Variants in AKNA observed in about 807,000 individuals in gnomAD.
The protein encoded by AKNA is AT-hook transcription factor.
Under a neutral mutation model 138.8 loss-of-function variants are expected in AKNA, and 67 were observed. The ratio of observed to expected loss-of-function variants is 0.48; its 90% CI spans 0.40 to 0.59. AKNA has a LOEUF of 0.59. Ranked by LOEUF, AKNA falls within the 20% of genes least tolerant of loss-of-function variation. The pLI, the probability that AKNA is intolerant of heterozygous loss-of-function variation, is 0.00. For missense variants in AKNA, 1,813 were observed against 1,880.4 expected (o/e 0.96, Z 0.66); for synonymous variants, 737 against 754.4 (o/e 0.98, Z 0.38).
chr9:114,358,376 T>A, intron 11 of AKNA: 1 of 599,958 alleles, frequency 1.7e-6, no homozygotes, highest in Non-Finnish European at 2.8e-6. Context: ...CTATAAAATA[T>A]GGATGCCAAC....
chr9:114,355,832 G>A (rs1397834611), intron 14 of AKNA, 93 bp downstream of exon 14: 2 of 1,286,320 alleles, frequency 1.6e-6, no homozygotes, highest in East Asian at 4.9e-5. Flanking sequence ...CAATGAACCT[G>A]GCTAATATGT....
chr9:114,364,385 T>C (rs796247491), intron 7 of AKNA, among the ~76,000 whole-genome samples, 175 bp downstream of exon 7: 11 of 152,264 alleles, frequency 7.2e-5, no homozygotes, highest in African/African-American at 2.4e-4. Flanking sequence ...TGGGTAACTA[T>C]TGTGAAATAA....
chr9:114,380,897 C>T (rs1024336613), intron 2 of AKNA, among the ~76,000 whole-genome samples, 163 bp downstream of exon 2: 4 of 150,166 alleles, frequency 2.7e-5, no homozygotes, highest in East Asian at 2.0e-4. Context: ...GCAAGAGAAT[C>T]GCTTGAACCC....
intron 1 of AKNA, among the ~76,000 whole-genome samples, chr9:114,383,732 A>C (rs1233403934): frequency 6.6e-6 from 1 of 152,172 alleles, no homozygotes; most frequent in Non-Finnish European, 1.5e-5. Flanking sequence ...TGTGTGGCTG[A>C]GAAAAGTCAG....
At position 114,376,935 on chromosome 9, in the gene AKNA, T is replaced by A. The variant is rs748991653; in HGVS notation, c.872A>T (p.Gln291Leu). 1.2e-5 allele frequency: 20 copies of A among 1,614,124 alleles called. No individual in the cohort carries two copies. The highest frequency in any genetic ancestry group is 1.6e-5 in the Non-Finnish European group (19 of 1,180,042). ...CTGCTTCCAGATGTGTTCCTTGGGC[T>A]GAGGGCAGAAGAATCTGGTCGTTTC... ...RRETTRFFCP[Q>L]PKEHIWKQTK... Residue 291 changes from glutamine to leucine, a missense_variant, in exon 3 of 22, where the codon CAG becomes CTG. Transcript: ENST00000374088.
chr9:114,365,785 C>T (rs539930860), intron 6 of AKNA, among the ~76,000 whole-genome samples: 7 of 152,086 alleles, frequency 4.6e-5, no homozygotes, highest in Non-Finnish European at 7.4e-5. Flanking sequence ...TGTTTCATAC[C>T]CACAGCACGT....
Position 114,358,023 on chromosome 9 carries a change from G to C in AKNA, c.2637C>G (p.Ser879=), listed in dbSNP as rs557155287. 4 of 1,610,086 alleles carry C rather than the reference G, an allele frequency of 2.5e-6. No individual in the cohort carries two copies. The highest frequency in any genetic ancestry group is 3.4e-6 in the Non-Finnish European group (4 of 1,177,354). Residue 879 remains serine (S), a synonymous_variant, in exon 12 of 22, where the codon TCC becomes TCG. Coordinates refer to ENST00000374088, the MANE Select transcript of AKNA (RefSeq NM_001317950.2). The part of the protein sequence containing the change: ...GVPPHPPGTK[S]AASHQSSMTS... Reference sequence around the variant, plus strand: ...TCATACTACTTTGGTGGGATGCTGCGGACTTGGTGCCTGGAGGGTGGGGTG... The same window carrying C: ...TCATACTACTTTGGTGGGATGCTGCCGACTTGGTGCCTGGAGGGTGGGGTG...
At chr9:114,378,103 AC>A (rs968249861) in intron 2 of AKNA, among the ~76,000 whole-genome samples, 7 of 151,994 alleles carry the variant, frequency 4.6e-5, no homozygotes, top group Non-Finnish European at 4.4e-5. Context: ...GGTCGCTGCC[AC>A]CCCGGCCCCA....
chr9:114,340,269 T>TG (rs1475774903), intron 21 of AKNA, among the ~76,000 whole-genome samples: 7 of 152,158 alleles, frequency 4.6e-5, no homozygotes, highest in African/African-American at 1.7e-4. Context: ...ACACAGCCAC[T>TG]GAAGACATCC....
intron 4 of AKNA, among the ~76,000 whole-genome samples, chr9:114,370,858 TC>T (rs1157297369): frequency 6.6e-6 from 1 of 151,758 alleles, no homozygotes; most frequent in Non-Finnish European, 1.5e-5. Context: ...AGCCTCCCCC[TC>T]CCCCCATCCC....
At chr9:114,374,846 C>T (rs965195245) in intron 3 of AKNA, among the ~76,000 whole-genome samples, 4 of 152,142 alleles carry the variant, frequency 2.6e-5, no homozygotes, top group African/African-American at 7.2e-5. Context: ...AAGGACAGAA[C>T]GGAACATCTC....
Position 114,361,808 on chromosome 9 carries a change from C to G in AKNA, c.2020G>C (p.Ala674Pro), listed in dbSNP as rs558006244. 1 of 1,613,856 alleles carries G rather than the reference C, an allele frequency of 6.2e-7. No homozygotes were observed. The highest frequency in any genetic ancestry group is 1.3e-5 in the African/African-American group (1 of 75,018). Residue 674 changes from alanine (A) to proline (P), a missense_variant, in exon 9 of 22, where the codon GCT (alanine) becomes CCT (proline). By Grantham distance (27) the Ala-to-Pro change is conservative. Coordinates refer to ENST00000374088, the MANE Select transcript of AKNA (RefSeq NM_001317950.2). Reference protein sequence around the residue: ...QEPEPPGSDSALDSTPALPCL... With the variant: ...QEPEPPGSDSPLDSTPALPCL... ...GGCAGGGCTGGGGTGCTGTCCAGAG[C>G]TGAGTCTGACCCGGGCGGCTCAGGC...
At chr9:114,331,235 G>A (rs1343772593), downstream of AKNA, among the ~76,000 whole-genome samples, 1 of 152,056 alleles carries the variant, frequency 6.6e-6, no homozygotes, top group Admixed American at 6.5e-5. Context: ...CATCACCGCA[G>A]AGGTGGCACA....
At chr9:114,394,877 C>T (rs536040539), upstream of AKNA, among the ~76,000 whole-genome samples, 1 of 152,182 alleles carries the variant, frequency 6.6e-6, no homozygotes, top group East Asian at 1.9e-4. Context: ...CCCAAGACCC[C>T]GAGGAGACTG....
Position 114,334,763 on chromosome 9 carries a change from T to C in AKNA, c.*2291A>G, listed in dbSNP as rs1198044977. On this transcript the variant is annotated 3_prime_UTR_variant, in exon 22 of 22. Transcript: ENST00000374088. ...CAGCTGCGTATACCATCCAGGGTGA[T>C]AGGACCATGAGCCCGAGGCCCTGAT... is the stretch of plus-strand genomic sequence containing the variant. 1.4e-5 allele frequency: 2 copies of C among 146,730 alleles called. No individual in the cohort carries two copies. The highest frequency in any genetic ancestry group is 2.1e-4 in the South Asian group (1 of 4,830). The allele number at this position is 146,730 out of a possible 1,614,324, so 9.1% of individuals were successfully genotyped here. A position where few individuals can be genotyped will look rare whatever the true frequency, so the allele number is the denominator to read the frequency against.
rs530511375 is a variant in AKNA at position 114,351,275 on chromosome 9, C to T, written c.3059-254G>A. On this transcript the variant is annotated intron_variant, in intron 14 of 21. Coordinates refer to ENST00000374088, the MANE Select transcript of AKNA (RefSeq NM_001317950.2). ...GAACCCCTCCTCCCACCCACCATGA[C>T]ACCATCCGAGTCTTCAGGAACTTCC... Among the ~76,000 whole-genome samples, 11 of 152,302 alleles carry T rather than the reference C, an allele frequency of 7.2e-5. No homozygotes were observed. In the East Asian group the frequency reaches 2.1e-3, roughly 29 times the overall value.
intron 4 of AKNA, among the ~76,000 whole-genome samples, chr9:114,370,640 C>T (rs1050273535): frequency 6.6e-6 from 1 of 152,216 alleles, no homozygotes; most frequent in African/African-American, 2.4e-5. Context: ...GCTGGATTCA[C>T]TCCCTTGGGG....
intron 14 of AKNA, among the ~76,000 whole-genome samples, chr9:114,354,866 G>T (rs918316811): frequency 6.8e-6 from 1 of 146,338 alleles, no homozygotes; most frequent in African/African-American, 2.7e-5. Context: ...GTGCTATACG[G>T]TACTTTTTTT....
chr9:114,353,689 G>C (rs1460558649), intron 14 of AKNA, among the ~76,000 whole-genome samples: 1 of 152,184 alleles, frequency 6.6e-6, no homozygotes, highest in Non-Finnish European at 1.5e-5. Flanking sequence ...ACATATGTGA[G>C]GTAGATGGAA....
Sources: allele counts gnomAD v4.1 joint callset (sites outside exome capture counted in the v4.1 genomes callset), GRCh38; gene constraint gnomAD v4.1.1; transcripts MANE v1.5; gene names NCBI Gene and HGNC (gene_info 2026-07-23, HGNC 2026-07-21).